The following ZNF423 variants were observed in gnomAD, a reference collection of about 807,000 sequenced individuals.
ZNF423 encodes the protein zinc finger protein 423, also known as Ebf-associated zinc finger protein.
A neutral mutation model predicts 95.8 loss-of-function variants in ZNF423; 12 were observed. The observed-to-expected ratio is 0.13, with a 90% CI of 0.08 to 0.20. The LOEUF (loss-of-function observed/expected upper bound fraction) is 0.20. Among genes scored for constraint, ZNF423 ranks in the 10% least tolerant of loss-of-function variants. The probability of loss-of-function intolerance (pLI) is 1.00; values close to 1 mark genes in which losing one functional copy is unlikely to be tolerated. For missense variants in ZNF423, 1,316 were observed against 1,737.1 expected (o/e 0.76, Z 4.31); for synonymous variants, 749 against 711.9 (o/e 1.05, Z -0.83).
In ZNF423 at chr16:49,855,050, A is replaced by C; in HGVS notation, c.40+685T>G. 1 of 980,318 alleles carries C rather than the reference A, an allele frequency of 1.0e-6. No individual in the cohort carries two copies. Among genetic ancestry groups the C allele is most frequent in the African/African-American group, 1.8e-5 (1 of 55,682 alleles). The allele number at this position is 980,318 out of a possible 1,614,324, so 60.7% of individuals were successfully genotyped here. ...CCCGCCGGCGCCGTGCAGACAATGAACTCCTGGCGGAGGCTCCCTGCCCGG... is the reference window on the plus strand; with the variant it reads ...CCCGCCGGCGCCGTGCAGACAATGACCTCCTGGCGGAGGCTCCCTGCCCGG... On this transcript the variant is annotated intron_variant, in intron 1 of 7. Transcript: ENST00000563137. The surrounding 1 kb of genome is among the most constrained non-coding windows in gnomAD (Gnocchi z 4.7).
chr16:49,539,321 CT>C (rs1849604745), intron 5 of ZNF423, among the ~76,000 whole-genome samples: 1 of 152,170 alleles, frequency 6.6e-6, no homozygotes, highest in African/African-American at 2.4e-5. Context: ...GGGGCTGCAT[CT>C]TCCCGGGAAC....
At chr16:49,844,251 C>T (rs886588515) in intron 1 of ZNF423, among the ~76,000 whole-genome samples, 1 of 152,124 alleles carries the variant, frequency 6.6e-6, no homozygotes, top group African/African-American at 2.4e-5. Context: ...CAATGTACTC[C>T]AGCCTGGGTA....
At chr16:49,589,863 G>C (rs1209086259) in intron 5 of ZNF423, among the ~76,000 whole-genome samples, 1 of 151,848 alleles carries the variant, frequency 6.6e-6, no homozygotes, top group Non-Finnish European at 1.5e-5. Context: ...GCCATAACGA[G>C]AGCTGAACAG....
chr16:49,852,675 G>A (rs896860255), intron 1 of ZNF423, among the ~76,000 whole-genome samples: 5 of 152,100 alleles, frequency 3.3e-5, no homozygotes, highest in Admixed American at 1.3e-4. Flanking sequence ...TCAGAAAAAT[G>A]TGACTTTTAT....
chr16:49,692,321 A>G (rs1185648335), intron 3 of ZNF423, among the ~76,000 whole-genome samples: 2 of 152,034 alleles, frequency 1.3e-5, no homozygotes, highest in African/African-American at 4.8e-5. Flanking sequence ...AAGGGGGAAA[A>G]CGATGAGGCT....
intron 1 of ZNF423, among the ~76,000 whole-genome samples, chr16:49,826,044 T>G (rs1350099570): frequency 6.6e-6 from 1 of 152,164 alleles, no homozygotes; most frequent in Non-Finnish European, 1.5e-5. Context: ...AACCTCCATC[T>G]GTACAAAAAA....
At chr16:49,853,083 C>G (rs547152119) in intron 1 of ZNF423, among the ~76,000 whole-genome samples, 9 of 152,328 alleles carry the variant, frequency 5.9e-5, no homozygotes, top group African/African-American at 2.2e-4. Flanking sequence ...CAGCAGAATG[C>G]TCGGGGCCGG....
intron 7 of ZNF423, among the ~76,000 whole-genome samples, chr16:49,521,281 T>C (rs12449235): frequency 0.61 from 92,867 of 152,094 alleles, 29,478 homozygotes; most frequent in African/African-American, 0.79. Flanking sequence ...CTGAGCAAGT[T>C]CAAAGTGTAA....
chr16:49,809,167 T>C (rs1321341720), intron 1 of ZNF423, among the ~76,000 whole-genome samples: 1 of 152,248 alleles, frequency 6.6e-6, no homozygotes, highest in Non-Finnish European at 1.5e-5. Flanking sequence ...CTGCTTCGAA[T>C]GGCGGAGAGA....
chr16:49,527,081 T>C (rs1444957921), intron 5 of ZNF423, among the ~76,000 whole-genome samples: 1 of 152,162 alleles, frequency 6.6e-6, no homozygotes. Flanking sequence ...CCTGGGTCCC[T>C]AGGCCCTGGC....
At chr16:49,616,329 G>A (rs1210873265) in intron 5 of ZNF423, among the ~76,000 whole-genome samples, 1 of 152,146 alleles carries the variant, frequency 6.6e-6, no homozygotes, top group Non-Finnish European at 1.5e-5. Context: ...GCTAGGAAGG[G>A]TAGCAGGGAG....
chr16:49,812,851 C>T (rs1012557657), intron 1 of ZNF423, among the ~76,000 whole-genome samples: 2 of 152,080 alleles, frequency 1.3e-5, no homozygotes, highest in South Asian at 2.1e-4. Context: ...TCTGAACACA[C>T]GTAAATTGCC....
chr16:49,675,150 T>C lies in ZNF423; in HGVS notation c.302-36276A>G, dbSNP rs1355855087. ...AACATTTATAGCTGGTCTACTAACA[T>C]GCTGTGTGACCCTGGATACATCACT... On this transcript the variant is annotated intron_variant, in intron 3 of 7. Transcript: ENST00000563137. 1.3e-5 allele frequency among the ~76,000 whole-genome samples: 2 copies of C among 152,200 alleles called. 1 individual carries two copies. Among genetic ancestry groups the C allele is most frequent in the Non-Finnish European group, 2.9e-5 (2 of 68,028 alleles).
chr16:49,529,327 A>G (rs1282768085), intron 5 of ZNF423, among the ~76,000 whole-genome samples: 1 of 152,168 alleles, frequency 6.6e-6, no homozygotes, highest in Non-Finnish European at 1.5e-5. Flanking sequence ...AAAAATAAAA[A>G]TAAATAAAAA....
At chr16:49,777,021 C>A (rs759491838) in intron 2 of ZNF423, among the ~76,000 whole-genome samples, 8 of 152,152 alleles carry the variant, frequency 5.3e-5, no homozygotes, top group Non-Finnish European at 1.0e-4. Context: ...TGTGCACATG[C>A]GCACTATGGG....
rs185939684 is a variant in ZNF423 at position 49,677,588 on chromosome 16, C to A, written c.302-38714G>T. 1.6e-3 allele frequency among the ~76,000 whole-genome samples: 249 copies of A among 151,948 alleles called. 1 individual carries two copies. Among genetic ancestry groups the A allele is most frequent in the African/African-American group, 5.9e-3 (243 of 41,472 alleles). ...TTGCTTGAGCCCAGAACTTCAAGACCAGCATGGGCAATGCAGTGAGACCCT... is the reference window on the plus strand; with the variant it reads ...TTGCTTGAGCCCAGAACTTCAAGACAAGCATGGGCAATGCAGTGAGACCCT... On this transcript the variant is annotated intron_variant, in intron 3 of 7. Transcript: ENST00000563137.
chr16:49,640,394 T>C (rs1163172503), intron 3 of ZNF423, among the ~76,000 whole-genome samples: 3 of 152,034 alleles, frequency 2.0e-5, no homozygotes, highest in Non-Finnish European at 4.4e-5. Context: ...ATGCACACGC[T>C]CATGTACACA....
At chr16:49,570,797 C>T (rs540429944) in intron 5 of ZNF423, among the ~76,000 whole-genome samples, 5 of 152,350 alleles carry the variant, frequency 3.3e-5, no homozygotes, top group African/African-American at 9.6e-5. Flanking sequence ...CAAAGAGAGT[C>T]GTGATACCAG....
intron 1 of ZNF423, among the ~76,000 whole-genome samples, chr16:49,849,921 G>A (rs543834642): frequency 6.6e-6 from 1 of 152,298 alleles, no homozygotes; most frequent in South Asian, 2.1e-4. Flanking sequence ...AGCGAGGGCT[G>A]ACAATACAAT....
Sources: gnomAD v4.1 joint callset for allele counts (sites outside exome capture counted in the v4.1 genomes callset) on GRCh38, gnomAD v4.1.1 for gene constraint, Gnocchi (gnomAD v3.1) non-coding constraint, MANE v1.5 for transcripts, NCBI Gene and HGNC (gene_info 2026-07-23, HGNC 2026-07-21) for gene names.